The following TPRG1 variants were observed in gnomAD, a reference collection of about 807,000 sequenced individuals.
TPRG1 encodes the protein tumor protein p63 regulated 1.
A neutral mutation model predicts 29.3 loss-of-function variants in TPRG1; 29 were observed. That is an observed-to-expected ratio of 0.99 (90% CI 0.74 to 1.35). The LOEUF is 1.35. TPRG1 is among the 40% of genes most tolerant of loss of function. TPRG1 has a pLI of 0.00. For missense variants in TPRG1, 327 were observed against 335.0 expected (o/e 0.98, Z 0.19); for synonymous variants, 130 against 116.8 (o/e 1.11, Z -0.73).
Position 189,293,415 on chromosome 3 carries a change from A to G in TPRG1, c.480-16971A>G, listed in dbSNP as rs956192611. Among the ~76,000 whole-genome samples the G allele has an allele frequency of 9.9e-5, 15 of 152,264 alleles. No homozygotes were observed. The East Asian group carries it at 2.9e-3, about 29-fold the overall frequency. On this transcript the variant is annotated intron_variant, in intron 4 of 5. Transcript: ENST00000345063. ...CCTGATCTGGGACCTGGATAACTAA[A>G]GGCTCTCTCACCCCTGAAAAGGGAT...
intron 1 of TPRG1, among the ~76,000 whole-genome samples, chr3:189,199,055 G>A (rs1733025645): frequency 6.6e-6 from 1 of 152,194 alleles, no homozygotes; most frequent in South Asian, 2.1e-4. Context: ...GTTCGAGCAT[G>A]TCTTTGGCCC....
chr3:189,217,014 A>G (rs1225519919), intron 3 of TPRG1, among the ~76,000 whole-genome samples: 1 of 152,236 alleles, frequency 6.6e-6, no homozygotes, highest in African/African-American at 2.4e-5. Context: ...GAGTTCTCAG[A>G]TAATAGAACT....
chr3:189,188,267 C>A (rs1380313707), intron 1 of TPRG1, among the ~76,000 whole-genome samples: 1 of 152,140 alleles, frequency 6.6e-6, no homozygotes, highest in Non-Finnish European at 1.5e-5. Context: ...ACATGGATTC[C>A]CTTTGGCCAG....
intron 4 of TPRG1, among the ~76,000 whole-genome samples, chr3:189,286,504 A>G (rs927805258): frequency 6.6e-6 from 1 of 152,040 alleles, no homozygotes; most frequent in African/African-American, 2.4e-5. Flanking sequence ...TGTTTATTTC[A>G]TATTACCTCC....
chr3:189,222,843 C>A (rs143533814), intron 3 of TPRG1, among the ~76,000 whole-genome samples: 3 of 152,168 alleles, frequency 2.0e-5, no homozygotes, highest in African/African-American at 7.2e-5. Flanking sequence ...CCCAAATTTC[C>A]GGTGCTATCC....
At chr3:189,029,261 G>C (rs1713818069) in intron 4 of TPRG1, among the ~76,000 whole-genome samples, 1 of 152,156 alleles carries the variant, frequency 6.6e-6, no homozygotes, top group African/African-American at 2.4e-5. Context: ...GACTTCAACA[G>C]CTGAAAACAG....
At chr3:189,087,534 G>T (rs1334043627) in intron 4 of TPRG1, among the ~76,000 whole-genome samples, 1 of 152,140 alleles carries the variant, frequency 6.6e-6, no homozygotes, top group African/African-American at 2.4e-5. Flanking sequence ...GTCAATTTTA[G>T]CTTTTGTTGC....
chr3:189,012,564 G>A (rs1233465464), intron 3 of TPRG1, among the ~76,000 whole-genome samples: 1 of 152,050 alleles, frequency 6.6e-6, no homozygotes, highest in African/African-American at 2.4e-5. Context: ...AGTTTCAGTA[G>A]GAATGATACC....
intron 4 of TPRG1, among the ~76,000 whole-genome samples, chr3:189,273,549 C>T (rs1046927989): frequency 6.6e-6 from 1 of 152,080 alleles, no homozygotes; most frequent in South Asian, 2.1e-4. Flanking sequence ...TGATATTGTC[C>T]CTACGTAACA....
chr3:189,195,244 T>C (rs1732346256), intron 1 of TPRG1, among the ~76,000 whole-genome samples: 1 of 152,116 alleles, frequency 6.6e-6, no homozygotes, highest in Non-Finnish European at 1.5e-5. Flanking sequence ...AGGCACTGTT[T>C]CCTGGGATGA....
chr3:189,048,818 C>T (rs1416626950), intron 4 of TPRG1, among the ~76,000 whole-genome samples: 1 of 152,158 alleles, frequency 6.6e-6, no homozygotes, highest in Non-Finnish European at 1.5e-5. Context: ...ACTGTGAGTG[C>T]CCCAACTGCA....
chr3:189,217,839 TA>T, intron 3 of TPRG1: 1 of 985,408 alleles, frequency 1.0e-6, no homozygotes, highest in Non-Finnish European at 1.2e-6. Context: ...TGGCCTTTCA[TA>T]TTTAAGCCTT....
chr3:189,270,076 A>T (rs1714842016), intron 4 of TPRG1, among the ~76,000 whole-genome samples: 1 of 150,354 alleles, frequency 6.7e-6, no homozygotes, highest in African/African-American at 2.4e-5. Context: ...TCTGTAGAGT[A>T]ACGAGAGCAC....
chr3:189,229,838 C>T (rs1348878411), intron 3 of TPRG1, among the ~76,000 whole-genome samples: 1 of 152,168 alleles, frequency 6.6e-6, no homozygotes, highest in Non-Finnish European at 1.5e-5. Flanking sequence ...TTTGCCTGAT[C>T]TGGGCTGTGT....
chr3:189,167,109 G>T (rs1728256210), upstream of TPRG1, among the ~76,000 whole-genome samples: 1 of 152,174 alleles, frequency 6.6e-6, no homozygotes, highest in African/African-American at 2.4e-5. Flanking sequence ...GCCTGAGTCG[G>T]CTGTGAGATT....
At chr3:189,023,772 C>T (rs1713507478) in exon 4 of TPRG1, 1 of 152,308 alleles carries the variant, frequency 6.6e-6, no homozygotes, top group East Asian at 1.9e-4. Flanking sequence ...TTGCGGGGTT[C>T]TTCTCCAGAC....
chr3:189,300,964 G>T (rs1217443026), intron 4 of TPRG1, among the ~76,000 whole-genome samples: 1 of 151,980 alleles, frequency 6.6e-6, no homozygotes, highest in South Asian at 2.1e-4. Context: ...TAATTTTCAG[G>T]TATCAACAAT....
chr3:189,021,975 A>C, intron 3 of TPRG1, among the ~76,000 whole-genome samples: 1 of 151,618 alleles, frequency 6.6e-6, no homozygotes, highest in African/African-American at 2.4e-5. Context: ...GCTTCATTTC[A>C]TTCATTTCAT....
intron 5 of TPRG1, among the ~76,000 whole-genome samples, chr3:189,317,534 A>G (rs952748482): frequency 1.3e-5 from 2 of 152,194 alleles, no homozygotes; most frequent in African/African-American, 4.8e-5. Flanking sequence ...GTTTGATACT[A>G]TTAATATTCT....
Sources: allele counts gnomAD v4.1 joint callset (sites outside exome capture counted in the v4.1 genomes callset), GRCh38; gene constraint gnomAD v4.1.1; transcripts MANE v1.5; gene names NCBI Gene and HGNC (gene_info 2026-07-23, HGNC 2026-07-21).